The following CCSAP variants were observed in gnomAD, a reference collection of about 807,000 sequenced individuals.
CCSAP encodes centriole, cilia and spindle-associated protein.
A neutral mutation model predicts 25.9 loss-of-function variants in CCSAP; 17 were observed. That is an observed-to-expected ratio of 0.66 (90% confidence interval 0.45 to 0.99). The LOEUF is 0.99. Among genes scored for constraint, CCSAP ranks in the 50% least tolerant of loss-of-function variants. The pLI is 0.00. For synonymous variants in CCSAP, 169 were observed against 157.1 expected, an observed-to-expected ratio of 1.08 and a Z score of -0.57; for missense variants, 339 against 367.8, an observed-to-expected ratio of 0.92 and a Z score of 0.64.
At position 229,323,610 on chromosome 1, in the gene CCSAP, A is replaced by G. The variant is rs552573854; in HGVS notation, c.*1625T>C. The G allele has an allele frequency of 1.3e-5, 2 of 152,354 alleles. No individual in the cohort carries two copies. The highest frequency in any genetic ancestry group is 6.5e-5 in the Admixed American group (1 of 15,298). The allele number at this position is 152,354 out of a possible 1,614,324, so 9.4% of individuals were successfully genotyped here. On this transcript the variant is annotated 3_prime_UTR_variant, in exon 4 of 4. Coordinates refer to ENST00000284617, the MANE Select transcript of CCSAP (RefSeq NM_145257.5). ...TACTAGCAAGGCTGTTTTGGACAAC[A>G]TGTAAAATTTCCTCTTTTGAAATAT...
rs1368614434 is a variant in CCSAP, at chr1:229,342,150, C to T, written c.316G>A (p.Ala106Thr). Residue 106 changes from alanine to threonine, a missense_variant, in exon 2 of 4, where the codon GCG (alanine) becomes ACG (threonine). Physicochemically the swap from Ala to Thr is moderately conservative, Grantham distance 58. Transcript: ENST00000284617. The surrounding 1 kb of genome is among the most constrained non-coding windows in gnomAD (Gnocchi z 7.5). ...TCGGCCTCCGCGTCCCCGGCCTCCGCGTCCTGCTCCTCCGGGGCCCCGCGC... is the reference window on the plus strand; with the variant it reads ...TCGGCCTCCGCGTCCCCGGCCTCCGTGTCCTGCTCCTCCGGGGCCCCGCGC... ...RARGAPEEQD[A>T]EAGDAEAEDA... is the part of the protein sequence containing the mutation. The T allele has an allele frequency of 7.6e-7, 1 of 1,321,832 alleles. No homozygotes were observed. 81.9% of individuals were successfully genotyped at this position (1,321,832 alleles called of 1,614,324 possible). A position where few individuals can be genotyped will look rare whatever the true frequency, so the allele number is the denominator to read the frequency against.
Position 229,326,843 on chromosome 1 carries a change from T to C in CCSAP, c.531A>G (p.Ile177Met). 7 of 1,614,244 alleles carry C rather than the reference T, an allele frequency of 4.3e-6. No homozygotes were observed. The highest frequency in any genetic ancestry group is 5.1e-6 in the Non-Finnish European group (6 of 1,180,036). Reference protein sequence around the residue: ...VKSPQRSSSKIKENKHPFALY... With the variant: ...VKSPQRSSSKMKENKHPFALY... ...GAGCAAATGGATGCTTGTTTTCTTT[T>C]ATTTTACTCGATGATCTTTGGGGAC... Residue 177 changes from isoleucine (I) to methionine (M), a missense_variant, in exon 3 of 4, where the codon ATA (isoleucine) becomes ATG (methionine). By Grantham distance (10) the Ile-to-Met change is conservative. Coordinates refer to ENST00000284617, the MANE Select transcript of CCSAP (RefSeq NM_145257.5).
Position 229,342,490 on chromosome 1 carries a change from C to A in CCSAP, c.-25G>T. 7.6e-7 allele frequency: 1 copy of A among 1,323,696 alleles called. No individual in the cohort carries two copies. The highest frequency in any genetic ancestry group is 9.7e-7 in the Non-Finnish European group (1 of 1,032,638). 82.0% of individuals were successfully genotyped at this position (1,323,696 alleles called of 1,614,324 possible). A position where few individuals can be genotyped will look rare whatever the true frequency, so the allele number is the denominator to read the frequency against. On this transcript the variant is annotated 5_prime_UTR_variant, in exon 2 of 4. Transcript: ENST00000284617. This position sits in a 1 kb window ranked among gnomAD's most constrained non-coding sequence, Gnocchi z 7.5. ...TGGTGCCGTCCGCCGCCTCGAGCGC[C>A]AGCCGCTCCTCGCTGCCCGCAGCCT...
At chr1:229,340,283 A>G (rs866210529) in intron 2 of CCSAP, 9 of 662,138 alleles carry the variant, frequency 1.4e-5, no homozygotes, top group Middle Eastern at 2.4e-4. Context: ...TGAGTCCTGA[A>G]AGCAGAAAAC....
At position 229,328,366 on chromosome 1, in the gene CCSAP, T is replaced by G. The variant is rs1312257257; in HGVS notation, c.368-1360A>C. On this transcript the variant is annotated intron_variant, in intron 2 of 3. Coordinates refer to ENST00000284617, the MANE Select transcript of CCSAP (RefSeq NM_145257.5). ...CCCAGGCTGGAGTGCAGTGGTGCGA[T>G]CATGGCTTATTGCAGCCTCAACCTC... Among the ~76,000 whole-genome samples, 4 of 152,188 alleles carry G rather than the reference T, an allele frequency of 2.6e-5. No individual in the cohort carries two copies. The East Asian group carries it at 7.7e-4, about 29-fold the overall frequency.
chr1:229,333,494 A>C (rs1026884427), intron 2 of CCSAP, among the ~76,000 whole-genome samples: 4 of 151,404 alleles, frequency 2.6e-5, no homozygotes, highest in Non-Finnish European at 5.9e-5. Context: ...ACAGGGTTGC[A>C]CAAAAATGTG....
rs1657818336 is a variant in CCSAP, at chr1:229,321,272, C to T, written c.*3963G>A. On this transcript the variant is annotated 3_prime_UTR_variant, in exon 4 of 4. Coordinates refer to ENST00000284617, the MANE Select transcript of CCSAP (RefSeq NM_145257.5). ...GAAATCCAAAAAGAGGCCTCTACTG[C>T]CTTCATTCAAGTGTCGAGAATTTCA... is the stretch of plus-strand genomic sequence containing the variant. The T allele has an allele frequency of 6.6e-6, 1 of 152,134 alleles. No individual in the cohort carries two copies. Among genetic ancestry groups the T allele is most frequent in the Non-Finnish European group, 1.5e-5 (1 of 68,020 alleles). 9.4% of individuals were successfully genotyped at this position (152,134 alleles called of 1,614,324 possible).
Position 229,325,475 on chromosome 1 carries a change from G to C in CCSAP, c.637-64C>G, listed in dbSNP as rs142888796. ...GCTATTATACTAATGTTCAACAGAG[G>C]TTGCAATGAAGCTGGCTACTGCCAG... On this transcript the variant is annotated intron_variant, in intron 3 of 3. Coordinates refer to ENST00000284617, the MANE Select transcript of CCSAP (RefSeq NM_145257.5). 9 of 1,501,716 alleles carry C rather than the reference G, an allele frequency of 6.0e-6. No homozygotes were observed. The African/African-American group carries it at 1.1e-4, about 19-fold the overall frequency. The allele number at this position is 1,501,716 out of a possible 1,614,324, so 93.0% of individuals were successfully genotyped here. A position where few individuals can be genotyped will look rare whatever the true frequency, so the allele number is the denominator to read the frequency against.
chr1:229,328,974 C>T (rs547460266), intron 2 of CCSAP, among the ~76,000 whole-genome samples: 1 of 152,326 alleles, frequency 6.6e-6, no homozygotes, highest in Non-Finnish European at 1.5e-5. Context: ...CACCAGCCTT[C>T]CATTTCATGA....
chr1:229,325,578 CATT>C (rs1483640539), intron 3 of CCSAP, among the ~76,000 whole-genome samples, 167 bp from the exon 4 acceptor site: 2 of 152,216 alleles, frequency 1.3e-5, no homozygotes, highest in Non-Finnish European at 2.9e-5. Flanking sequence ...ACAGAAGAGC[CATT>C]CTCACTTGAT....
In CCSAP at chr1:229,342,084, C is replaced by T; in HGVS notation, c.367+15G>A. Reference sequence around the variant, plus strand: ...CTGCGTGCAGGCCCCTCGCGCTCCCCTCCGGGCCGGGTACCTGGCAGAGCC... The same window carrying T: ...CTGCGTGCAGGCCCCTCGCGCTCCCTTCCGGGCCGGGTACCTGGCAGAGCC... On this transcript the variant is annotated intron_variant, in intron 2 of 3. Transcript: ENST00000284617. The surrounding 1 kb of genome is among the most constrained non-coding windows in gnomAD (Gnocchi z 7.5). 1.5e-6 allele frequency: 2 copies of T among 1,333,230 alleles called. No individual in the cohort carries two copies. Among genetic ancestry groups the T allele is most frequent in the South Asian group, 2.4e-5 (1 of 42,186 alleles). 82.6% of individuals were successfully genotyped at this position (1,333,230 alleles called of 1,614,324 possible). A position where few individuals can be genotyped will look rare whatever the true frequency, so the allele number is the denominator to read the frequency against.
chr1:229,324,231 G>C lies in CCSAP; in HGVS notation c.*1004C>G, dbSNP rs1450944989. ...CTATAAAGAAAAAGAGAAAGTAGGG[G>C]TGGGCAGTCTATCTAACAGGCATCT... On this transcript the variant is annotated 3_prime_UTR_variant, in exon 4 of 4. Coordinates refer to ENST00000284617, the MANE Select transcript of CCSAP (RefSeq NM_145257.5). The C allele has an allele frequency of 2.0e-5, 3 of 152,460 alleles. No homozygotes were observed. The highest frequency in any genetic ancestry group is 2.9e-5 in the Non-Finnish European group (2 of 68,006). 9.4% of individuals were successfully genotyped at this position (152,460 alleles called of 1,614,324 possible).
rs1178842389 is a variant in CCSAP at position 229,326,748 on chromosome 1, G to T, written c.626C>A (p.Pro209His). 1 of 1,614,198 alleles carries T rather than the reference G, an allele frequency of 6.2e-7. No individual in the cohort carries two copies. The highest frequency in any genetic ancestry group is 1.6e-4 in the Middle Eastern group (1 of 6,062). ...GGGCCCAGAGCGCACCTCGTGCACA[G>T]GAGCGGACGCACAGACGTTGTGAGT... Reference protein sequence around the residue: ...QKTHNVCASAPVHEIHESALR... With the variant: ...QKTHNVCASAHVHEIHESALR... Residue 209 changes from proline to histidine, a missense_variant, in exon 3 of 4, where the codon CCT (proline) becomes CAT (histidine). By Grantham distance (77) the Pro-to-His change is moderately conservative (BLOSUM62 -2). Transcript: ENST00000284617.
chr1:229,342,768 G>A lies in CCSAP; in HGVS notation c.-49+144C>T. 4.3e-6 allele frequency: 1 copy of A among 232,920 alleles called. No individual in the cohort carries two copies. Among genetic ancestry groups the A allele is most frequent in the Non-Finnish European group, 8.3e-6 (1 of 121,014 alleles). The allele number at this position is 232,920 out of a possible 1,614,324, so 14.4% of individuals were successfully genotyped here. ...TGGGCGGAAGGCAGGGAGGCTGCGG[G>A]CTGGGGCGAGGGGACCGCAGGAGAC... On this transcript the variant is annotated intron_variant, in intron 1 of 3. Coordinates refer to ENST00000284617, the MANE Select transcript of CCSAP (RefSeq NM_145257.5). The surrounding 1 kb of genome is among the most constrained non-coding windows in gnomAD (Gnocchi z 7.5).
At chr1:229,328,850 T>A (rs967040052) in intron 2 of CCSAP, among the ~76,000 whole-genome samples, 1 of 152,238 alleles carries the variant, frequency 6.6e-6, no homozygotes, top group African/African-American at 2.4e-5. Flanking sequence ...TTACATTTAT[T>A]ACTAAGCATT....
intron 2 of CCSAP, among the ~76,000 whole-genome samples, chr1:229,330,177 G>A (rs1658034565): frequency 6.6e-6 from 1 of 152,202 alleles, no homozygotes; most frequent in Admixed American, 6.5e-5. Context: ...AGGACCATGT[G>A]GGCGCTCGGT....
At chr1:229,337,927 C>CA (rs1355093625) in intron 2 of CCSAP, among the ~76,000 whole-genome samples, 1 of 150,728 alleles carries the variant, frequency 6.6e-6, no homozygotes, top group Non-Finnish European at 1.5e-5. Context: ...GGAGTAGAAG[C>CA]AAAAAACAAA....
chr1:229,331,326 CAGA>C (rs1315092290), intron 2 of CCSAP, among the ~76,000 whole-genome samples: 2 of 151,962 alleles, frequency 1.3e-5, no homozygotes, highest in African/African-American at 4.8e-5. Flanking sequence ...TAGAAAAAGA[CAGA>C]AGAATTATCT....
Position 229,321,544 on chromosome 1 carries a change from C to A in CCSAP, c.*3691G>T, listed in dbSNP as rs373797410. On this transcript the variant is annotated 3_prime_UTR_variant, in exon 4 of 4. Coordinates refer to ENST00000284617, the MANE Select transcript of CCSAP (RefSeq NM_145257.5). Reference sequence around the variant, plus strand: ...CTTTAAAATATCATTTTACTGATCACAAAATTATATAATAAGGATCTTATA... The same window carrying A: ...CTTTAAAATATCATTTTACTGATCAAAAAATTATATAATAAGGATCTTATA... The A allele has an allele frequency of 1.3e-5, 2 of 152,098 alleles. No individual in the cohort carries two copies. Among genetic ancestry groups the A allele is most frequent in the East Asian group, 1.9e-4 (1 of 5,204 alleles). 9.4% of individuals were successfully genotyped at this position (152,098 alleles called of 1,614,324 possible).
Sources: gnomAD v4.1 joint callset for allele counts (sites outside exome capture counted in the v4.1 genomes callset) on GRCh38, gnomAD v4.1.1 for gene constraint, Gnocchi (gnomAD v3.1) non-coding constraint, MANE v1.5 for transcripts, NCBI Gene and HGNC (gene_info 2026-07-23, HGNC 2026-07-21) for gene names.